ELF1: variants seen among roughly 807,000 people sequenced by gnomAD.
ELF1 encodes E74 like ETS transcription factor 1.
A neutral mutation model predicts 59.9 loss-of-function variants in ELF1; 24 were observed. The observed-to-expected ratio is 0.40, with a 90% CI of 0.29 to 0.56. The LOEUF is 0.56. Ranked by LOEUF, ELF1 falls within the 20% of genes least tolerant of loss-of-function variation. The pLI, the probability that ELF1 is intolerant of heterozygous loss-of-function variation, is 0.44. For missense variants in ELF1, 627 were observed against 742.2 expected (o/e 0.84, Z 1.80); for synonymous variants, 248 against 266.2 (o/e 0.93, Z 0.67).
intron 1 of ELF1, among the ~76,000 whole-genome samples, chr13:41,053,025 C>T (rs2138436587): frequency 6.6e-6 from 1 of 152,186 alleles, no homozygotes. Flanking sequence ...ATTTGTCACA[C>T]TACATTTTTC....
At chr13:41,051,359 T>C (rs1382316691) in intron 1 of ELF1, among the ~76,000 whole-genome samples, 2 of 151,860 alleles carry the variant, frequency 1.3e-5, no homozygotes, top group Admixed American at 6.6e-5. Flanking sequence ...CCCCAATTCA[T>C]GCGCTGGGAC....
intron 1 of ELF1, among the ~76,000 whole-genome samples, chr13:41,059,465 T>A (rs1018373148): frequency 2.6e-5 from 4 of 152,240 alleles, no homozygotes; most frequent in Non-Finnish European, 5.9e-5. Context: ...GCCTAATTAA[T>A]CCTTAATCAC....
chr13:40,997,049 A>G (rs1031691089), intron 1 of ELF1, among the ~76,000 whole-genome samples: 1 of 152,136 alleles, frequency 6.6e-6, no homozygotes, highest in African/African-American at 2.4e-5. Context: ...GTGACATTTT[A>G]GGATCCTCTT....
At chr13:40,943,289 T>C in intron 6 of ELF1, 145 bp from the exon 7 acceptor site, 1 of 677,394 alleles carries the variant, frequency 1.5e-6, no homozygotes, top group Non-Finnish European at 2.2e-6. Context: ...ATAATTTAGT[T>C]AGTATGGGTG....
chr13:40,946,492 T>TA (rs1416372065), intron 5 of ELF1, among the ~76,000 whole-genome samples: 2 of 152,172 alleles, frequency 1.3e-5, no homozygotes, highest in Non-Finnish European at 2.9e-5. Flanking sequence ...TATATAAAAA[T>TA]AAAACTGACC....
At chr13:41,046,746 T>C (rs1876863356) in intron 1 of ELF1, among the ~76,000 whole-genome samples, 1 of 152,202 alleles carries the variant, frequency 6.6e-6, no homozygotes, top group South Asian at 2.1e-4. Flanking sequence ...CTTTGGTGAA[T>C]CTGACGATTA....
rs75738848 is a variant in ELF1 at position 41,048,726 on chromosome 13, T to G, written c.-229+12112A>C. ...CTACGCCTAGCCGAAGGTATTTTTT[T>G]AATTCAAGTTTTTCCTTTAAAAAAA... On this transcript the variant is annotated intron_variant, in intron 1 of 1. Coordinates refer to the ELF1 transcript ENST00000405737. Among the ~76,000 whole-genome samples the G allele has an allele frequency of 7.3e-3, 1,109 of 152,164 alleles. 52 individuals are homozygous for G. The East Asian group carries it at 0.13, about 18-fold the overall frequency.
intron 1 of ELF1, among the ~76,000 whole-genome samples, chr13:41,052,121 G>A (rs1877113588): frequency 1.3e-5 from 2 of 151,918 alleles, no homozygotes; most frequent in Admixed American, 1.3e-4. Context: ...TGTATTTTTA[G>A]TAGAGACGAG....
intron 1 of ELF1, among the ~76,000 whole-genome samples, chr13:41,038,773 T>C (rs1876486924): frequency 6.6e-6 from 1 of 152,100 alleles, no homozygotes; most frequent in Non-Finnish European, 1.5e-5. Flanking sequence ...TCTCAGCATT[T>C]TGGGAGGCGG....
At chr13:40,983,711 A>C (rs1176614492) in intron 1 of ELF1, among the ~76,000 whole-genome samples, 1 of 152,156 alleles carries the variant, frequency 6.6e-6, no homozygotes, top group Non-Finnish European at 1.5e-5. Context: ...GTTTTGATTT[A>C]AATTGATCAC....
At chr13:40,942,864 G>C in intron 7 of ELF1, 88 bp downstream of exon 7, 2 of 1,316,204 alleles carry the variant, frequency 1.5e-6, no homozygotes, top group Non-Finnish European at 2.0e-6. Context: ...ACCACTATTG[G>C]TGCTTTGCTG....
At chr13:41,060,865 T>C (rs1183767651) in exon 1 of ELF1, 2 of 330,372 alleles carry the variant, frequency 6.1e-6, no homozygotes, top group Non-Finnish European at 1.2e-5. Context: ...CTCTGCCTCC[T>C]TCGCCGCACC....
Position 40,933,465 on chromosome 13 carries a change from G to A in ELF1, c.1820C>T (p.Ala607Val), listed in dbSNP as rs1052153245. 5 of 1,613,920 alleles carry A rather than the reference G, an allele frequency of 3.1e-6. No homozygotes were observed. The African/African-American group carries it at 6.7e-5, about 22-fold the overall frequency. ...TTCCAGCAGTTCGTTTTGTTTCATA[G>A]CTACCTGAGAAGTAAATCCATTGGA... The part of the protein sequence containing the change: ...SSSNGFTSQV[A>V]MKQNELLEPN... Residue 607 changes from alanine to valine, a missense_variant, in exon 9 of 9, where the codon GCT becomes GTT. This residue lies in a region of ELF1 where 361 missense variants were observed against 396.1 expected (regional missense o/e 0.91). Transcript: ENST00000239882.
chr13:40,964,082 T>C (rs1872025682), intron 2 of ELF1, among the ~76,000 whole-genome samples: 1 of 152,126 alleles, frequency 6.6e-6, no homozygotes, highest in Non-Finnish European at 1.5e-5. Context: ...TCTGGGCTCA[T>C]GATGAACTGC....
exon 1 of ELF1, chr13:41,060,938 C>CGCT (rs1450747824): frequency 1.5e-5 from 5 of 344,168 alleles, no homozygotes; most frequent in African/African-American, 2.4e-5. Flanking sequence ...CCGCCGCCGC[C>CGCT]GCCGCCGCTG....
At chr13:41,026,490 T>C (rs1875921040) in intron 1 of ELF1, among the ~76,000 whole-genome samples, 1 of 152,206 alleles carries the variant, frequency 6.6e-6, no homozygotes, top group South Asian at 2.1e-4. Context: ...ACTTGGGCCA[T>C]ATGACCCAGC....
intron 1 of ELF1, among the ~76,000 whole-genome samples, chr13:41,052,582 C>T (rs941475977): frequency 2.0e-5 from 3 of 152,010 alleles, no homozygotes; most frequent in Non-Finnish European, 4.4e-5. Context: ...CAGGCACAGT[C>T]GCTCACGCCT....
chr13:41,016,768 G>C lies in ELF1; in HGVS notation c.-229+2460C>G, dbSNP rs540545839. On this transcript the variant is annotated intron_variant, in intron 1 of 8. Coordinates refer to ENST00000239882, the MANE Select transcript of ELF1 (RefSeq NM_172373.4). Reference sequence around the variant, plus strand: ...TGTCTCTACTAAAAATACAAAATTAGCTGGGCGTGGTGGCGCATGCCTGTA... The same window carrying C: ...TGTCTCTACTAAAAATACAAAATTACCTGGGCGTGGTGGCGCATGCCTGTA... Among the ~76,000 whole-genome samples the C allele has an allele frequency of 2.6e-5, 4 of 150,962 alleles. No individual in the cohort carries two copies. In the East Asian group the frequency reaches 7.8e-4, roughly 29 times the overall value.
intron 2 of ELF1, among the ~76,000 whole-genome samples, chr13:40,978,377 C>CAA (rs68036241): frequency 2.0e-4 from 26 of 128,846 alleles, no homozygotes; most frequent in Non-Finnish European, 3.5e-4. Context: ...GACTCAGTCT[C>CAA]AAAAAAAAAA....
Sources: gnomAD v4.1 joint callset for allele counts (sites outside exome capture counted in the v4.1 genomes callset) on GRCh38, gnomAD v4.1.1 for gene constraint, gnomAD v4.1.1 regional missense constraint, MANE v1.5 for transcripts, NCBI Gene and HGNC (gene_info 2026-07-23, HGNC 2026-07-21) for gene names.